TNFRSF10B: variants seen among roughly 807,000 people sequenced by gnomAD.
TNFRSF10B encodes the protein tumor necrosis factor receptor superfamily member 10B.
A neutral mutation model predicts 41.4 loss-of-function variants in TNFRSF10B; 35 were observed. The ratio of observed to expected loss-of-function variants is 0.85; its 90% CI spans 0.65 to 1.12. The LOEUF (loss-of-function observed/expected upper bound fraction) is 1.12, where lower values mean the gene tolerates loss of function less well. TNFRSF10B is among the 50% of genes most tolerant of loss of function. The probability of loss-of-function intolerance (pLI) is 0.00; values close to 1 mark genes in which losing one functional copy is unlikely to be tolerated. For missense variants in TNFRSF10B, 584 were observed against 552.7 expected (o/e 1.06, Z -0.57); for synonymous variants, 230 against 215.5 (o/e 1.07, Z -0.59).
chr8:23,029,626 G>C lies in TNFRSF10B; in HGVS notation c.460C>G (p.Arg154Gly), dbSNP rs755099736. ...CTGTCTCACCCTGTGCGGCACTTCC[G>C]GCACATCTCAGGAGAATCTTCTTCC... is the stretch of plus-strand genomic sequence containing the variant. ...FREEDSPEMC[R>G]KCRTGCPRGM... Residue 154 changes from arginine (R) to glycine (G), a missense_variant, in exon 4 of 9, where the codon CGG (arginine) becomes GGG (glycine). Physicochemically the swap from Arg to Gly is moderately radical, Grantham distance 125. Coordinates refer to ENST00000276431, the MANE Select transcript of TNFRSF10B (RefSeq NM_003842.5). The C allele has an allele frequency of 1.2e-6, 2 of 1,611,560 alleles. No homozygotes were observed. Among genetic ancestry groups the C allele is most frequent in the South Asian group, 2.2e-5 (2 of 90,574 alleles).
chr8:23,048,233 C>T (rs35934978), intron 1 of TNFRSF10B, among the ~76,000 whole-genome samples: 3,414 of 151,542 alleles, frequency 0.023, 56 homozygotes, highest in Middle Eastern at 0.034. Flanking sequence ...GTCAGGAGTT[C>T]GAGACCAGCC....
At chr8:23,034,996 C>T (rs1260910947) in intron 2 of TNFRSF10B, among the ~76,000 whole-genome samples, 1 of 152,206 alleles carries the variant, frequency 6.6e-6, no homozygotes, top group Admixed American at 6.5e-5. Flanking sequence ...AGGTGTTGAA[C>T]TGGCAAATGC....
Position 23,027,765 on chromosome 8 carries a change from G to A in TNFRSF10B, c.749-12C>T. 2 of 1,614,064 alleles carry A rather than the reference G, an allele frequency of 1.2e-6. No individual in the cohort carries two copies. Among genetic ancestry groups the A allele is most frequent in the Non-Finnish European group, 1.7e-6 (2 of 1,179,998 alleles). On this transcript the variant is annotated splice_polypyrimidine_tract_variant and intron_variant, in intron 5 of 8. Coordinates refer to ENST00000276431, the MANE Select transcript of TNFRSF10B (RefSeq NM_003842.5). ...GTCCCCACCACCACCTAAAAAAGAA[G>A]CAGTCTCCTTAGCAGGAAGGGAGGG...
intron 2 of TNFRSF10B, among the ~76,000 whole-genome samples, chr8:23,035,923 C>T (rs1812019156): frequency 1.3e-5 from 2 of 152,118 alleles, no homozygotes; most frequent in African/African-American, 4.8e-5. Flanking sequence ...TCCAGGCTGC[C>T]GTAGACATTT....
In TNFRSF10B at chr8:23,024,255, C is replaced by T. The variant is rs151090486; in HGVS notation, c.942G>A (p.Pro314=). The T allele has an allele frequency of 6.1e-5, 98 of 1,613,904 alleles. 1 individual carries two copies. The highest frequency in any genetic ancestry group is 5.8e-4 in the South Asian group (53 of 91,084). Residue 314 remains proline, a synonymous_variant, in exon 8 of 9, where the codon CCG becomes CCA. Transcript: ENST00000276431. ...TCCTCTGAGACCTTTCAGCTTCTGC[C>T]GGTTCCTGTAACACATAGTGGGGAA... ...SPGESEHLLE[P]AEAERSQRRR... is the part of the protein sequence containing the mutation.
chr8:23,040,941 T>C (rs1812177804), intron 2 of TNFRSF10B, among the ~76,000 whole-genome samples: 1 of 152,176 alleles, frequency 6.6e-6, no homozygotes, highest in Non-Finnish European at 1.5e-5. Flanking sequence ...GGCTGTCAAA[T>C]AATAATGTGT....
At chr8:23,029,821 T>G in intron 3 of TNFRSF10B, 100 bp from the exon 4 acceptor site, 1 of 1,218,572 alleles carries the variant, frequency 8.2e-7, no homozygotes, top group Non-Finnish European at 1.2e-6. Context: ...CAACTCAGTT[T>G]GCCAAGGAGT....
At chr8:23,048,902 G>A (rs555008197) in intron 1 of TNFRSF10B, among the ~76,000 whole-genome samples, 143 of 152,176 alleles carry the variant, frequency 9.4e-4, no homozygotes, top group Non-Finnish European at 1.4e-3. Flanking sequence ...GTGCCTGGCC[G>A]TAATTTCTTA....
At chr8:23,039,423 A>T (rs918019905) in intron 2 of TNFRSF10B, among the ~76,000 whole-genome samples, 12 of 152,054 alleles carry the variant, frequency 7.9e-5, no homozygotes, top group African/African-American at 2.9e-4. Flanking sequence ...TCAGGTCTGA[A>T]GGCTGCCTGC....
At position 23,049,101 on chromosome 8, in the gene TNFRSF10B, C is replaced by T. The variant is rs563677876; in HGVS notation, c.145-5858G>A. Among the ~76,000 whole-genome samples the T allele has an allele frequency of 2.8e-4, 43 of 152,222 alleles. 1 individual carries two copies. Among genetic ancestry groups the T allele is most frequent in the Admixed American group, 6.5e-4 (10 of 15,286 alleles). ...TGAGGTGTGAAGAAACTGGAACCTT[C>T]GTGCCCTGTTGGTGGGAATGTAAAA... On this transcript the variant is annotated intron_variant, in intron 1 of 8. Coordinates refer to ENST00000276431, the MANE Select transcript of TNFRSF10B (RefSeq NM_003842.5).
intron 7 of TNFRSF10B, among the ~76,000 whole-genome samples, chr8:23,025,667 T>C (rs116263937): frequency 1.1e-3 from 165 of 152,306 alleles, no homozygotes; most frequent in African/African-American, 3.7e-3. Context: ...AATTATCCAC[T>C]GTAGTTACCT....
In TNFRSF10B at chr8:23,022,426, A is replaced by AC. The variant is rs1273332629; in HGVS notation, c.*244dup. ...TCCCAAACCAAATCTCAAAGTACGC[A>AC]CAAACGGAATGATCCAGACATTTCC... On this transcript the variant is annotated 3_prime_UTR_variant, in exon 9 of 9. Coordinates refer to ENST00000276431, the MANE Select transcript of TNFRSF10B (RefSeq NM_003842.5). 1 of 636,000 alleles carries AC rather than the reference A, an allele frequency of 1.6e-6. No individual in the cohort carries two copies. The highest frequency in any genetic ancestry group is 2.9e-6 in the Non-Finnish European group (1 of 344,992). 39.4% of individuals were successfully genotyped at this position (636,000 alleles called of 1,614,324 possible). A position where few individuals can be genotyped will look rare whatever the true frequency, so the allele number is the denominator to read the frequency against.
chr8:23,029,643 T>A lies in TNFRSF10B; in HGVS notation c.443A>T (p.Asp148Val), dbSNP rs560429397. 4 of 1,613,330 alleles carry A rather than the reference T, an allele frequency of 2.5e-6. No homozygotes were observed. The Admixed American group carries it at 5.0e-5, about 20-fold the overall frequency. ...GCACTTCCGGCACATCTCAGGAGAA[T>A]CTTCTTCCCGGAAGGTGCCTTCTTC... ...QCEEGTFREE[D>V]SPEMCRKCRT... Residue 148 changes from aspartate to valine, a missense_variant, in exon 4 of 9, where the codon GAT (aspartate) becomes GTT (valine). By Grantham distance (152) the Asp-to-Val change is radical. Coordinates refer to ENST00000276431, the MANE Select transcript of TNFRSF10B (RefSeq NM_003842.5).
rs141241073 is a variant in TNFRSF10B at position 23,041,069 on chromosome 8, T to G, written c.250+2069A>C. Among the ~76,000 whole-genome samples, 165 of 151,660 alleles carry G rather than the reference T, an allele frequency of 1.1e-3. 2 individuals are homozygous for G. The highest frequency in any genetic ancestry group is 3.3e-3 in the African/African-American group (135 of 41,400). On this transcript the variant is annotated intron_variant, in intron 2 of 8. Transcript: ENST00000276431. ...ATGATAATTTTTTTTTTGTTGTTTT[T>G]TTTTTTTGAGACAGGGTCTCACTCT... is the stretch of plus-strand genomic sequence containing the variant.
chr8:23,060,723 T>G (rs1045359853), intron 1 of TNFRSF10B, among the ~76,000 whole-genome samples: 2 of 152,234 alleles, frequency 1.3e-5, no homozygotes, highest in African/African-American at 4.8e-5. Context: ...TATAGATCAC[T>G]TTAGGAAATG....
intron 2 of TNFRSF10B, among the ~76,000 whole-genome samples, chr8:23,039,007 A>T (rs1019863738): frequency 6.6e-6 from 1 of 151,910 alleles, no homozygotes; most frequent in Admixed American, 6.6e-5. Flanking sequence ...TATAACGTAG[A>T]ATCAGTGGAA....
intron 2 of TNFRSF10B, among the ~76,000 whole-genome samples, chr8:23,032,074 T>C (rs1190530460): frequency 6.6e-6 from 1 of 152,010 alleles, no homozygotes; most frequent in African/African-American, 2.4e-5. Flanking sequence ...ACCCGGCTAA[T>C]TTTTGTGTTT....
At chr8:23,023,051 C>T in intron 8 of TNFRSF10B, 67 bp from the exon 9 acceptor site, 1 of 1,579,274 alleles carries the variant, frequency 6.3e-7, no homozygotes, top group Admixed American at 1.7e-5. Flanking sequence ...GATTCCACAT[C>T]AGGCCCAGAA....
intron 1 of TNFRSF10B, among the ~76,000 whole-genome samples, chr8:23,044,300 A>G (rs917026936): frequency 2.6e-5 from 4 of 152,244 alleles, no homozygotes; most frequent in African/African-American, 7.2e-5. Flanking sequence ...CACAAGCAAT[A>G]TAGGAAAAAA....
Sources: gnomAD v4.1 joint callset for allele counts (sites outside exome capture counted in the v4.1 genomes callset) on GRCh38, gnomAD v4.1.1 for gene constraint, MANE v1.5 for transcripts, NCBI Gene and HGNC (gene_info 2026-07-23, HGNC 2026-07-21) for gene names.